GKAP1: variants seen among roughly 807,000 people sequenced by gnomAD.
GKAP1 encodes G kinase anchoring protein 1.
In GKAP1, 31 loss-of-function variants were observed where a neutral mutation model predicts 56.7. That is an observed-to-expected ratio of 0.55 (90% confidence interval 0.41 to 0.74). GKAP1 has a LOEUF of 0.74. Ranked by LOEUF, GKAP1 falls within the 30% of genes least tolerant of loss-of-function variation. The pLI is 0.00. For missense variants in GKAP1, 364 were observed against 402.3 expected, an observed-to-expected ratio of 0.90 and a Z score of 0.82; for synonymous variants, 151 against 138.6, an observed-to-expected ratio of 1.09 and a Z score of -0.63.
intron 3 of GKAP1, among the ~76,000 whole-genome samples, chr9:83,804,676 G>A (rs1335631653): frequency 1.6e-4 from 23 of 146,414 alleles, no homozygotes; most frequent in Admixed American, 2.0e-4. Flanking sequence ...GGAGGTGGGG[G>A]GGTCCAGCCC....
At chr9:83,782,755 C>A (rs1488216946) in intron 6 of GKAP1, among the ~76,000 whole-genome samples, 3 of 151,170 alleles carry the variant, frequency 2.0e-5, no homozygotes, top group Non-Finnish European at 4.4e-5. Flanking sequence ...CAACCTCCAC[C>A]TCCCCGGTTC....
intron 4 of GKAP1, among the ~76,000 whole-genome samples, chr9:83,795,588 C>CTTTTTTTTTTTT: frequency 9.2e-6 from 1 of 109,052 alleles, no homozygotes; most frequent in Admixed American, 1.2e-4. Flanking sequence ...CTGAGAGTGT[C>CTTTTTTTTTTTT]TTTTTTTTTT....
chr9:83,757,401 C>T (rs971201673), intron 8 of GKAP1, among the ~76,000 whole-genome samples: 1 of 152,162 alleles, frequency 6.6e-6, no homozygotes, highest in Admixed American at 6.6e-5. Context: ...AACACATGCA[C>T]ACATAGAAAC....
intron 8 of GKAP1, 49 bp downstream of exon 8, chr9:83,768,769 T>C (rs761184331): frequency 4.0e-6 from 6 of 1,517,148 alleles, no homozygotes; most frequent in Non-Finnish European, 5.4e-6. Context: ...AAATAAAAAT[T>C]ACATTTCAAT....
At chr9:83,788,749 T>C (rs1179383111) in intron 4 of GKAP1, 71 bp from the exon 5 acceptor site, 1 of 843,850 alleles carries the variant, frequency 1.2e-6, no homozygotes, top group East Asian at 2.6e-5. Flanking sequence ...CCATACATAT[T>C]ACTATATACA....
intron 8 of GKAP1, among the ~76,000 whole-genome samples, chr9:83,762,050 G>A (rs1282449059): frequency 2.0e-5 from 3 of 152,088 alleles, no homozygotes; most frequent in Non-Finnish European, 4.4e-5. Flanking sequence ...GGAAGTCCTA[G>A]CTAGAGTAAT....
chr9:83,804,864 C>T (rs1205334581), intron 3 of GKAP1, among the ~76,000 whole-genome samples: 2 of 147,762 alleles, frequency 1.4e-5, no homozygotes, highest in Non-Finnish European at 3.0e-5. Context: ...AGCCCCCCGC[C>T]CGGCCAGCCG....
chr9:83,801,201 T>C (rs573408951), intron 3 of GKAP1, among the ~76,000 whole-genome samples: 1 of 152,038 alleles, frequency 6.6e-6, no homozygotes, highest in East Asian at 1.9e-4. Context: ...CAGGCAGAGA[T>C]TGGGGTGAGG....
At chr9:83,788,943 T>C (rs888150205) in intron 4 of GKAP1, 3 of 247,566 alleles carry the variant, frequency 1.2e-5, no homozygotes, top group Non-Finnish European at 7.6e-6. Context: ...TTTACCTTAA[T>C]AAAAAAATCT....
At position 83,748,370 on chromosome 9, in the gene GKAP1, T is replaced by C. The variant is rs1943329005; in HGVS notation, c.843A>G (p.Ala281=). Residue 281 remains alanine, a splice_region_variant and synonymous_variant, in exon 10 of 13, where the codon GCA becomes GCG. Coordinates refer to ENST00000376371, the MANE Select transcript of GKAP1 (RefSeq NM_025211.4). ...KLKNVITQWE[A]KYKEVKARNA... ...TTCTTGCCTTTACTTCCTTATACTT[T>C]GCCTAATAGTCAAAGAAAAAAGATT... 1 of 1,543,776 alleles carries C rather than the reference T, an allele frequency of 6.5e-7. No homozygotes were observed. Among genetic ancestry groups the C allele is most frequent in the East Asian group, 2.3e-5 (1 of 43,094 alleles).
At chr9:83,802,266 G>T (rs1403619291) in intron 3 of GKAP1, among the ~76,000 whole-genome samples, 1 of 152,088 alleles carries the variant, frequency 6.6e-6, no homozygotes, top group African/African-American at 2.4e-5. Context: ...GGATCACGAG[G>T]TCAGGAGTTC....
At chr9:83,772,947 C>T (rs1464127852) in intron 7 of GKAP1, among the ~76,000 whole-genome samples, 1 of 152,094 alleles carries the variant, frequency 6.6e-6, no homozygotes, top group Non-Finnish European at 1.5e-5. Flanking sequence ...GGCAAGGATG[C>T]GTAGGAGCTA....
intron 8 of GKAP1, among the ~76,000 whole-genome samples, chr9:83,765,935 C>A (rs1251183814): frequency 6.6e-6 from 1 of 152,124 alleles, no homozygotes; most frequent in African/African-American, 2.4e-5. Flanking sequence ...CTTTGGAAGA[C>A]TGTTGGGAAG....
intron 8 of GKAP1, among the ~76,000 whole-genome samples, chr9:83,767,416 G>C (rs1943682239): frequency 6.6e-6 from 1 of 151,636 alleles, no homozygotes; most frequent in Non-Finnish European, 1.5e-5. Context: ...CTAGAGTGCA[G>C]TGGTGTGATC....
At chr9:83,779,612 TAC>T (rs10546262) in intron 7 of GKAP1, among the ~76,000 whole-genome samples, 64,814 of 126,574 alleles carry the variant, frequency 0.51, 17,526 homozygotes, top group Admixed American at 0.65. Context: ...TATACACATA[TAC>T]ACACACACAC....
chr9:83,817,025 C>G lies in GKAP1; in HGVS notation c.-73G>C, dbSNP rs1236131506. The G allele has an allele frequency of 2.0e-5, 3 of 152,144 alleles. No individual in the cohort carries two copies. The highest frequency in any genetic ancestry group is 4.4e-5 in the Non-Finnish European group (3 of 68,018). The allele number at this position is 152,144 out of a possible 1,614,324, so 9.4% of individuals were successfully genotyped here. The stretch of plus-strand genomic sequence containing the variant: ...TTCATGAATGAAAGCCAAATTTCAC[C>G]CATAGGCTGTTAACCGATGCTCCGA... On this transcript the variant is annotated 5_prime_UTR_variant, in exon 2 of 13. Transcript: ENST00000376371.
chr9:83,775,595 G>T (rs1230068627), intron 7 of GKAP1, among the ~76,000 whole-genome samples: 1 of 151,992 alleles, frequency 6.6e-6, no homozygotes, highest in Admixed American at 6.6e-5. Context: ...AACAACTTGA[G>T]TCGGGCACAG....
intron 12 of GKAP1, 81 bp from the exon 13 acceptor site, chr9:83,739,825 A>G: frequency 8.8e-7 from 1 of 1,131,458 alleles, no homozygotes; most frequent in South Asian, 1.4e-5. Flanking sequence ...TATAGACCAA[A>G]GGCATCTTGG....
intron 8 of GKAP1, among the ~76,000 whole-genome samples, chr9:83,762,260 G>C (rs927320033): frequency 6.6e-6 from 1 of 151,022 alleles, no homozygotes; most frequent in Non-Finnish European, 1.5e-5. Context: ...GGCCAACAGA[G>C]AACAACCTGA....
Sources: gnomAD v4.1 joint callset for allele counts (sites outside exome capture counted in the v4.1 genomes callset) on GRCh38, gnomAD v4.1.1 for gene constraint, MANE v1.5 for transcripts, NCBI Gene and HGNC (gene_info 2026-07-23, HGNC 2026-07-21) for gene names.